The following IL17RB variants were observed in gnomAD, a reference collection of about 807,000 sequenced individuals.
The protein encoded by IL17RB is interleukin 17 receptor B.
In IL17RB, 36 loss-of-function variants were observed where a neutral mutation model predicts 43.9. The ratio of observed to expected loss-of-function variants is 0.82; its 90% CI spans 0.63 to 1.08. IL17RB has a LOEUF of 1.08. IL17RB is among the 50% of genes least tolerant of loss of function. The pLI is 0.00. For synonymous variants in IL17RB, 225 were observed against 225.4 expected (o/e 1.00, Z 0.02); for missense variants, 613 against 613.6 (o/e 1.00, Z 0.01).
chr3:53,846,614 CCG>C lies in IL17RB; in HGVS notation c.30_31del (p.Leu11ValfsTer16). 1 of 1,591,862 alleles carries C rather than the reference CCG, an allele frequency of 6.3e-7. No individual in the cohort carries two copies. Among genetic ancestry groups the C allele is most frequent in the Non-Finnish European group, 8.5e-7 (1 of 1,172,732 alleles). On this transcript the variant is annotated frameshift_variant, in exon 1 of 11. Coordinates refer to ENST00000288167, the MANE Select transcript of IL17RB (RefSeq NM_018725.4). LOFTEE classifies it high-confidence loss of function. Reference sequence around the variant, plus strand: ...ATGTCGCTCGTGCTGCTAAGCCTGGCCGCGCTGTGCAGGAGCGCCGTACCCCG... The same window carrying C: ...ATGTCGCTCGTGCTGCTAAGCCTGGCCGCTGTGCAGGAGCGCCGTACCCCG...
Position 53,846,584 on chromosome 3 carries a change from C to T in IL17RB, c.-5C>T. Reference sequence around the variant, plus strand: ...GTGGCCTGGATCCCGCGCAGTGGCCCGGCGATGTCGCTCGTGCTGCTAAGC... The same window carrying T: ...GTGGCCTGGATCCCGCGCAGTGGCCTGGCGATGTCGCTCGTGCTGCTAAGC... On this transcript the variant is annotated 5_prime_UTR_variant, in exon 1 of 11. Transcript: ENST00000288167. 3 of 1,578,098 alleles carry T rather than the reference C, an allele frequency of 1.9e-6. No homozygotes were observed. Among genetic ancestry groups the T allele is most frequent in the Non-Finnish European group, 2.6e-6 (3 of 1,167,344 alleles).
chr3:53,856,699 G>T, intron 6 of IL17RB, 145 bp from the exon 7 acceptor site: 3 of 724,438 alleles, frequency 4.1e-6, no homozygotes, highest in African/African-American at 1.8e-5. Flanking sequence ...TGGAAACAAT[G>T]ATAAAAAGTT....
At chr3:53,856,747 C>A in intron 6 of IL17RB, 97 bp from the exon 7 acceptor site, 1 of 1,183,950 alleles carries the variant, frequency 8.4e-7, no homozygotes, top group Non-Finnish European at 1.2e-6. Flanking sequence ...GGACATTGTT[C>A]CTGAGAACTT....
chr3:53,862,833 AT>A (rs1699613576), intron 10 of IL17RB, among the ~76,000 whole-genome samples: 1 of 152,218 alleles, frequency 6.6e-6, no homozygotes, highest in Non-Finnish European at 1.5e-5. Context: ...TTGGTACCAT[AT>A]ACAAATATTT....
chr3:53,849,513 A>C, intron 2 of IL17RB, 142 bp from the exon 3 acceptor site: 1 of 582,800 alleles, frequency 1.7e-6, no homozygotes. Context: ...CCATCTCTAC[A>C]AAAAACATTT....
At chr3:53,864,283 T>C (rs1303460293) in intron 10 of IL17RB, among the ~76,000 whole-genome samples, 1 of 152,168 alleles carries the variant, frequency 6.6e-6, no homozygotes, top group Non-Finnish European at 1.5e-5. Context: ...ACGCCTGTAA[T>C]CCCAGCACTC....
At chr3:53,861,153 G>T (rs12632712) in intron 10 of IL17RB, 1 of 152,058 alleles carries the variant, frequency 6.6e-6, no homozygotes, top group Non-Finnish European at 1.5e-5. Flanking sequence ...ACAGTAAAAA[G>T]TATCTCCAGT....
intron 5 of IL17RB, among the ~76,000 whole-genome samples, chr3:53,853,992 A>C (rs1699247671): frequency 6.6e-6 from 1 of 151,772 alleles, no homozygotes; most frequent in South Asian, 2.1e-4. Context: ...CGCCTCTTGG[A>C]TTTAAGTGAT....
intron 3 of IL17RB, among the ~76,000 whole-genome samples, chr3:53,851,222 T>C (rs1699132452): frequency 6.6e-6 from 1 of 152,134 alleles, no homozygotes; most frequent in African/African-American, 2.4e-5. Flanking sequence ...AAAGTCTACC[T>C]GGTCAAGAAT....
chr3:53,852,358 T>C (rs937332044), intron 4 of IL17RB, among the ~76,000 whole-genome samples: 1 of 152,100 alleles, frequency 6.6e-6, no homozygotes, highest in African/African-American at 2.4e-5. Context: ...TGGTCTTGAA[T>C]TCCAGTGCTC....
In IL17RB at chr3:53,846,776, C is replaced by T. The variant is rs967497995; in HGVS notation, c.60+128C>T. ...ACTGCCGGCTCAAGGGGCATGCCTG[C>T]ACCCTCAGGGCAGCCCCGGACATCG... On this transcript the variant is annotated intron_variant, in intron 1 of 10. Transcript: ENST00000288167. The T allele has an allele frequency of 1.3e-5, 12 of 940,692 alleles. No individual in the cohort carries two copies. In the East Asian group the frequency reaches 1.5e-4, roughly 12 times the overall value. The allele number at this position is 940,692 out of a possible 1,614,324, so 58.3% of individuals were successfully genotyped here. A position where few individuals can be genotyped will look rare whatever the true frequency, so the allele number is the denominator to read the frequency against.
chr3:53,856,238 T>C (rs968533785), intron 6 of IL17RB, among the ~76,000 whole-genome samples: 2 of 152,244 alleles, frequency 1.3e-5, no homozygotes, highest in African/African-American at 4.8e-5. Flanking sequence ...TTTCTGCTGT[T>C]ATACATTGTT....
rs143458638 is a variant in IL17RB at position 53,864,197 on chromosome 3, G to C, written c.947-549G>C. Among the ~76,000 whole-genome samples, 58 of 152,306 alleles carry C rather than the reference G, an allele frequency of 3.8e-4. 3 individuals are homozygous for C. The East Asian group carries it at 0.011, about 29-fold the overall frequency. On this transcript the variant is annotated intron_variant, in intron 10 of 10. Coordinates refer to ENST00000288167, the MANE Select transcript of IL17RB (RefSeq NM_018725.4). ...AGGCTTGGTTGAGAGGATTGTTTTA[G>C]TGAGAGGGACTTAGAAAATACTGCT...
intron 1 of IL17RB, 87 bp downstream of exon 1, chr3:53,846,735 C>G: frequency 1.4e-6 from 2 of 1,393,176 alleles, no homozygotes; most frequent in Non-Finnish European, 1.9e-6. Context: ...CCAGGCTGCC[C>G]CGAAGGCGTG....
intron 2 of IL17RB, 106 bp from the exon 3 acceptor site, chr3:53,849,549 G>A (rs1490891858): frequency 1.0e-6 from 1 of 998,808 alleles, no homozygotes; most frequent in South Asian, 2.6e-5. Context: ...AAAGAAGTGA[G>A]GAATTGTGAA....
At chr3:53,861,240 C>A (rs1180831887) in intron 10 of IL17RB, 1 of 152,000 alleles carries the variant, frequency 6.6e-6, no homozygotes, top group Admixed American at 6.6e-5. Context: ...CGAAGTGCCA[C>A]TAGTAATGCT....
chr3:53,855,231 G>C, intron 5 of IL17RB, 63 bp from the exon 6 acceptor site: 2 of 1,117,534 alleles, frequency 1.8e-6, no homozygotes, highest in South Asian at 2.6e-5. Flanking sequence ...TGTGCACTTG[G>C]CAAAGGGGGT....
At chr3:53,855,226 A>G in intron 5 of IL17RB, 68 bp from the exon 6 acceptor site, 1 of 1,023,518 alleles carries the variant, frequency 9.8e-7, no homozygotes, top group Non-Finnish European at 1.5e-6. Flanking sequence ...GTGTGTGTGC[A>G]CTTGGCAAAG....
intron 6 of IL17RB, 55 bp from the exon 7 acceptor site, chr3:53,856,789 T>C: frequency 1.2e-6 from 2 of 1,600,952 alleles, no homozygotes; most frequent in Non-Finnish European, 1.7e-6. Flanking sequence ...TGTGGGGAAC[T>C]TAAATGAGGG....
Sources: allele counts gnomAD v4.1 joint callset (sites outside exome capture counted in the v4.1 genomes callset), GRCh38; gene constraint gnomAD v4.1.1; transcripts MANE v1.5; gene names NCBI Gene and HGNC (gene_info 2026-07-23, HGNC 2026-07-21).